The following CNTNAP2 variants were observed in gnomAD, a reference collection of about 807,000 sequenced individuals.
The protein encoded by CNTNAP2 is contactin-associated protein-like 2.
A neutral mutation model predicts 155.2 loss-of-function variants in CNTNAP2; 98 were observed. That is an observed-to-expected ratio of 0.63 (90% CI 0.54 to 0.75). The LOEUF is 0.75. Ranked by LOEUF, CNTNAP2 falls within the 30% of genes least tolerant of loss-of-function variation. CNTNAP2 has a pLI of 0.00. For synonymous variants in CNTNAP2, 651 were observed against 631.2 expected (o/e 1.03, Z -0.47); for missense variants, 1,727 against 1,688.1 (o/e 1.02, Z -0.40).
At position 147,903,578 on chromosome 7, in the gene CNTNAP2, C is replaced by T. The variant is rs769916010; in HGVS notation, c.2112C>T (p.Tyr704=). The change falls in exon 14 of 24, where the codon TAC becomes TAT. Residue 704 remains tyrosine, a synonymous_variant. Coordinates refer to ENST00000361727, the MANE Select transcript of CNTNAP2 (RefSeq NM_014141.6). ...RLLNTPDGSP[Y]TWWVGKANEK... ...CTTTTCTTGTAGATGGAAGCCCTTA[C>T]ACTTGGTGGGTTGGCAAAGCCAACG... 9.3e-6 allele frequency: 15 copies of T among 1,614,066 alleles called. No individual in the cohort carries two copies. Among genetic ancestry groups the T allele is most frequent in the Non-Finnish European group, 1.3e-5 (15 of 1,180,030 alleles).
chr7:147,548,126 T>A (rs1373858115), intron 11 of CNTNAP2, among the ~76,000 whole-genome samples: 1 of 152,236 alleles, frequency 6.6e-6, no homozygotes. Context: ...TACCCAGTAA[T>A]GGGACTGCTG....
chr7:146,375,998 T>G (rs1795298422), intron 1 of CNTNAP2, among the ~76,000 whole-genome samples: 1 of 152,208 alleles, frequency 6.6e-6, no homozygotes, highest in Non-Finnish European at 1.5e-5. Flanking sequence ...GTTGACTGGT[T>G]TTACTTTAAA....
chr7:146,831,167 C>T (rs1803502660), intron 2 of CNTNAP2, among the ~76,000 whole-genome samples: 1 of 152,176 alleles, frequency 6.6e-6, no homozygotes, highest in South Asian at 2.1e-4. Flanking sequence ...TAAATATTTA[C>T]AACTCACATG....
At chr7:146,295,621 A>G (rs1800502447) in intron 1 of CNTNAP2, among the ~76,000 whole-genome samples, 2 of 152,218 alleles carry the variant, frequency 1.3e-5, no homozygotes, top group East Asian at 1.9e-4. Context: ...AATCGTTTTT[A>G]TGGATTTTCC....
chr7:147,865,649 G>C (rs1223591031), intron 13 of CNTNAP2, among the ~76,000 whole-genome samples: 1 of 152,134 alleles, frequency 6.6e-6, no homozygotes, highest in Non-Finnish European at 1.5e-5. Flanking sequence ...TCCTGGTTTA[G>C]TGTTGGGAGG....
chr7:146,692,920 A>T (rs564567684), intron 1 of CNTNAP2, among the ~76,000 whole-genome samples: 37 of 152,248 alleles, frequency 2.4e-4, no homozygotes, highest in African/African-American at 8.7e-4. Context: ...CCACCATGGT[A>T]TGAAACTGCC....
At chr7:146,955,172 G>A (rs1034953500) in intron 3 of CNTNAP2, among the ~76,000 whole-genome samples, 1 of 151,750 alleles carries the variant, frequency 6.6e-6, no homozygotes, top group Non-Finnish European at 1.5e-5. Flanking sequence ...TGTTATCATC[G>A]ACTTCATTGT....
intron 2 of CNTNAP2, among the ~76,000 whole-genome samples, chr7:146,833,785 G>T (rs969736373): frequency 1.3e-5 from 2 of 152,152 alleles, no homozygotes; most frequent in African/African-American, 2.4e-5. Context: ...AAATGCCTTT[G>T]TATGTCCCCA....
At chr7:146,890,309 C>T (rs1392971304) in intron 3 of CNTNAP2, among the ~76,000 whole-genome samples, 4 of 152,128 alleles carry the variant, frequency 2.6e-5, no homozygotes, top group African/African-American at 9.7e-5. Flanking sequence ...GTATCGCTGT[C>T]CTGACCACAA....
intron 1 of CNTNAP2, among the ~76,000 whole-genome samples, chr7:146,357,185 A>G (rs1795010188): frequency 6.7e-6 from 1 of 150,226 alleles, no homozygotes; most frequent in African/African-American, 2.5e-5. Flanking sequence ...TCTGCTTCCC[A>G]GCATAATTTC....
At chr7:147,357,442 T>C (rs1470382446) in intron 9 of CNTNAP2, among the ~76,000 whole-genome samples, 1 of 152,094 alleles carries the variant, frequency 6.6e-6, no homozygotes, top group Middle Eastern at 3.2e-3. Context: ...TGGGAAGTCT[T>C]GGCAATGCCA....
intron 3 of CNTNAP2, among the ~76,000 whole-genome samples, chr7:147,001,855 G>A (rs1798430385): frequency 2.6e-5 from 4 of 151,250 alleles, no homozygotes; most frequent in Admixed American, 2.6e-4. Flanking sequence ...ATTGTACAGG[G>A]GAAGGAAAGC....
chr7:146,181,254 A>G (rs1222709557), intron 1 of CNTNAP2, among the ~76,000 whole-genome samples: 1 of 152,116 alleles, frequency 6.6e-6, no homozygotes, highest in Admixed American at 6.6e-5. Context: ...AAATAAATAG[A>G]ATAAGGAGGT....
chr7:146,895,891 A>G (rs1173813424), intron 3 of CNTNAP2, among the ~76,000 whole-genome samples: 1 of 152,120 alleles, frequency 6.6e-6, no homozygotes, highest in Non-Finnish European at 1.5e-5. Context: ...AACTATTCAT[A>G]TGTACTAAGA....
At chr7:146,273,246 T>A (rs1800112758) in intron 1 of CNTNAP2, among the ~76,000 whole-genome samples, 1 of 151,830 alleles carries the variant, frequency 6.6e-6, no homozygotes, top group African/African-American at 2.4e-5. Flanking sequence ...TCAGAACTCA[T>A]TCCATCTGTA....
At chr7:147,029,787 A>G (rs1445896121) in intron 3 of CNTNAP2, among the ~76,000 whole-genome samples, 2 of 152,228 alleles carry the variant, frequency 1.3e-5, no homozygotes, top group African/African-American at 4.8e-5. Flanking sequence ...TTCATGGCAT[A>G]AATTTATCCA....
intron 13 of CNTNAP2, among the ~76,000 whole-genome samples, chr7:147,760,224 G>A (rs1797278048): frequency 6.8e-6 from 1 of 147,254 alleles, no homozygotes; most frequent in South Asian, 2.2e-4. Context: ...TATCTACTAT[G>A]GTAAAATTTG....
intron 1 of CNTNAP2, among the ~76,000 whole-genome samples, chr7:146,271,370 A>G (rs1800080036): frequency 6.6e-6 from 1 of 152,096 alleles, no homozygotes; most frequent in South Asian, 2.1e-4. Flanking sequence ...TGTATCTAAT[A>G]TTAGACTGTC....
chr7:146,461,851 A>G (rs2129124772), intron 1 of CNTNAP2, among the ~76,000 whole-genome samples: 1 of 152,342 alleles, frequency 6.6e-6, no homozygotes, highest in Non-Finnish European at 1.5e-5. Context: ...AAAAAGGAAA[A>G]TCAACGTAGA....
Sources: gnomAD v4.1 joint callset for allele counts (sites outside exome capture counted in the v4.1 genomes callset) on GRCh38, gnomAD v4.1.1 for gene constraint, MANE v1.5 for transcripts, NCBI Gene and HGNC (gene_info 2026-07-23, HGNC 2026-07-21) for gene names.